Variants in SNTG1 observed in about 807,000 individuals in gnomAD.
SNTG1 encodes gamma-1-syntrophin.
Under a neutral mutation model 74.7 loss-of-function variants are expected in SNTG1, and 39 were observed. The ratio of observed to expected loss-of-function variants is 0.52; its 90% confidence interval spans 0.40 to 0.68. The LOEUF (loss-of-function observed/expected upper bound fraction) is 0.68. SNTG1 is among the 30% of genes least tolerant of loss of function. The pLI, the probability that SNTG1 is intolerant of heterozygous loss-of-function variation, is 0.00. For synonymous variants in SNTG1, 254 were observed against 217.1 expected (o/e 1.17, Z -1.49); for missense variants, 685 against 609.5 (o/e 1.12, Z -1.30).
chr8:50,379,697 C>A (rs2092449960), intron 2 of SNTG1, among the ~76,000 whole-genome samples: 2 of 152,250 alleles, frequency 1.3e-5, no homozygotes, highest in South Asian at 4.1e-4. Context: ...CATAAAACAT[C>A]TCAGTAATCC....
At chr8:50,156,470 C>G (rs1396104398) in intron 1 of SNTG1, among the ~76,000 whole-genome samples, 1 of 151,886 alleles carries the variant, frequency 6.6e-6, no homozygotes, top group Admixed American at 6.6e-5. Context: ...TCTAAGATTA[C>G]TTCAAAATAC....
chr8:50,731,690 C>A (rs1052503836), intron 17 of SNTG1, among the ~76,000 whole-genome samples: 40 of 152,062 alleles, frequency 2.6e-4, no homozygotes, highest in African/African-American at 9.2e-4. Flanking sequence ...GCAATGTAAA[C>A]TACATGCTAT....
chr8:50,704,817 C>A, intron 16 of SNTG1, 65 bp downstream of exon 16: 1 of 1,551,012 alleles, frequency 6.4e-7, no homozygotes, highest in Non-Finnish European at 8.8e-7. Context: ...CCCTAGAGTT[C>A]TAATATCATT....
chr8:50,362,025 T>C (rs543937268), intron 2 of SNTG1, among the ~76,000 whole-genome samples: 1 of 152,348 alleles, frequency 6.6e-6, no homozygotes, highest in East Asian at 1.9e-4. Flanking sequence ...AACATCTCTA[T>C]GTAGCACCTG....
At chr8:50,535,007 TATA>T (rs1404412828) in intron 10 of SNTG1, among the ~76,000 whole-genome samples, 4 of 152,242 alleles carry the variant, frequency 2.6e-5, no homozygotes, top group Middle Eastern at 3.4e-3. Flanking sequence ...TTCTCGAGAA[TATA>T]ATATTTGATA....
intron 2 of SNTG1, 42 bp from the exon 3 acceptor site, chr8:50,394,170 C>A: frequency 1.3e-6 from 2 of 1,504,468 alleles, no homozygotes; most frequent in East Asian, 2.3e-5. Context: ...CTCTTACATG[C>A]CATGCTGTGC....
chr8:50,468,763 C>T (rs1180931803), intron 8 of SNTG1, among the ~76,000 whole-genome samples: 4 of 152,256 alleles, frequency 2.6e-5, no homozygotes, highest in African/African-American at 9.6e-5. Context: ...AAGCCCACTA[C>T]ATCCTTCTCT....
chr8:50,750,667 C>T (rs1277277605), intron 17 of SNTG1, among the ~76,000 whole-genome samples: 2 of 151,992 alleles, frequency 1.3e-5, no homozygotes, highest in African/African-American at 4.8e-5. Context: ...GACTACGGCT[C>T]ACTGAAGACT....
intron 1 of SNTG1, among the ~76,000 whole-genome samples, chr8:50,103,257 T>C (rs867806935): frequency 8.5e-5 from 13 of 152,226 alleles, no homozygotes; most frequent in Middle Eastern, 3.4e-3. Flanking sequence ...TTGTAGTTCT[T>C]CTTGAAGAGG....
chr8:50,656,664 A>G (rs544912487), intron 13 of SNTG1, among the ~76,000 whole-genome samples: 2 of 152,306 alleles, frequency 1.3e-5, no homozygotes, highest in East Asian at 3.9e-4. Context: ...GGATGGCATA[A>G]ACACTTGATA....
At chr8:50,605,097 A>C (rs2094803638) in intron 13 of SNTG1, among the ~76,000 whole-genome samples, 1 of 152,046 alleles carries the variant, frequency 6.6e-6, no homozygotes, top group Admixed American at 6.5e-5. Flanking sequence ...TCCTATTATG[A>C]CTGAGCTGAT....
intron 8 of SNTG1, among the ~76,000 whole-genome samples, chr8:50,465,634 C>A (rs903227908): frequency 2.6e-5 from 4 of 152,168 alleles, no homozygotes; most frequent in African/African-American, 7.2e-5. Flanking sequence ...CTTCAGGAAG[C>A]CATGGATCAT....
intron 1 of SNTG1, among the ~76,000 whole-genome samples, chr8:50,056,914 A>C (rs563306156): frequency 6.6e-6 from 1 of 152,288 alleles, no homozygotes; most frequent in East Asian, 1.9e-4. Context: ...ATCCTCACTG[A>C]GCCTCCAGGT....
chr8:50,169,089 T>C (rs1018240620), intron 1 of SNTG1, among the ~76,000 whole-genome samples: 8 of 152,334 alleles, frequency 5.3e-5, no homozygotes, highest in African/African-American at 1.7e-4. Context: ...TTTAAAACAC[T>C]TATTTTCTTT....
chr8:50,601,690 G>A lies in SNTG1; in HGVS notation c.849+10773G>A, dbSNP rs180727189. Reference sequence around the variant, plus strand: ...GATTTTCTTTGTTGATTTTCTTTCTGGAAGATTTGTCCAGTGCTGAAAGTT... The same window carrying A: ...GATTTTCTTTGTTGATTTTCTTTCTAGAAGATTTGTCCAGTGCTGAAAGTT... On this transcript the variant is annotated intron_variant, in intron 13 of 18. Transcript: ENST00000642720. Among the ~76,000 whole-genome samples, 6 of 152,160 alleles carry A rather than the reference G, an allele frequency of 3.9e-5. No individual in the cohort carries two copies. In the East Asian group the frequency reaches 1.2e-3, roughly 29 times the overall value.
At chr8:50,523,055 A>G (rs2094192951) in intron 9 of SNTG1, among the ~76,000 whole-genome samples, 1 of 152,162 alleles carries the variant, frequency 6.6e-6, no homozygotes, top group African/African-American at 2.4e-5. Context: ...AATTTTATAT[A>G]TGGTGACAGT....
At chr8:50,172,382 C>T (rs1300825387) in intron 1 of SNTG1, among the ~76,000 whole-genome samples, 179 bp from the exon 2 acceptor site, 1 of 152,100 alleles carries the variant, frequency 6.6e-6, no homozygotes, top group East Asian at 1.9e-4. Flanking sequence ...AGATAATTTA[C>T]AGGGATTTGA....
At chr8:50,715,681 G>A (rs1052079426) in intron 17 of SNTG1, among the ~76,000 whole-genome samples, 2 of 152,014 alleles carry the variant, frequency 1.3e-5, no homozygotes, top group African/African-American at 4.8e-5. Flanking sequence ...CATTGTTATG[G>A]AGGATGTTTG....
At chr8:50,257,089 A>C (rs10101318) in intron 2 of SNTG1, among the ~76,000 whole-genome samples, 49,528 of 151,694 alleles carry the variant, frequency 0.33, 8,577 homozygotes, top group African/African-American at 0.45. Flanking sequence ...CCACCAGCAG[A>C]AGCACACCCA....
Sources: allele counts gnomAD v4.1 joint callset (sites outside exome capture counted in the v4.1 genomes callset), GRCh38; gene constraint gnomAD v4.1.1; transcripts MANE v1.5; gene names NCBI Gene and HGNC (gene_info 2026-07-23, HGNC 2026-07-21).